Variants in JAK2 observed in about 807,000 individuals in gnomAD.
The protein encoded by JAK2 is tyrosine-protein kinase JAK2.
JAK2 carries 86 observed loss-of-function variants against 139.3 expected under a neutral mutation model. The observed-to-expected ratio is 0.62, with a 90% confidence interval of 0.52 to 0.74. JAK2 has a LOEUF of 0.74. Among genes scored for constraint, JAK2 ranks in the 30% least tolerant of loss-of-function variants. The pLI, the probability that JAK2 is intolerant of heterozygous loss-of-function variation, is 0.00. For missense variants in JAK2, 1,421 were observed against 1,360.3 expected (o/e 1.04, Z -0.70); for synonymous variants, 490 against 437.7 (o/e 1.12, Z -1.49).
intron 6 of JAK2, among the ~76,000 whole-genome samples, chr9:5,051,838 G>A (rs943481331): frequency 2.0e-5 from 3 of 151,966 alleles, no homozygotes; most frequent in African/African-American, 7.2e-5. Flanking sequence ...ATCAATTTCT[G>A]TATTTCTCTC....
chr9:5,058,974 A>G (rs973573884), intron 8 of JAK2, among the ~76,000 whole-genome samples: 2 of 152,134 alleles, frequency 1.3e-5, no homozygotes, highest in East Asian at 1.9e-4. Flanking sequence ...CTCCCATTCC[A>G]TAGATTGCTT....
chr9:4,992,714 C>G (rs980699717), intron 2 of JAK2, among the ~76,000 whole-genome samples: 1 of 152,092 alleles, frequency 6.6e-6, no homozygotes, highest in Non-Finnish European at 1.5e-5. Flanking sequence ...ACTGAGGACC[C>G]ATGAAGAGAC....
At chr9:5,060,626 T>C (rs1425895173) in intron 8 of JAK2, among the ~76,000 whole-genome samples, 2 of 152,212 alleles carry the variant, frequency 1.3e-5, no homozygotes, top group African/African-American at 4.8e-5. Flanking sequence ...TCTAGTTCTC[T>C]TGCTATTTCT....
rs1817662185 is a variant in JAK2, at chr9:5,054,960, T to C, written c.936+76T>C. 9.0e-7 allele frequency: 1 copy of C among 1,111,152 alleles called. No individual in the cohort carries two copies. The highest frequency in any genetic ancestry group is 1.3e-6 in the Non-Finnish European group (1 of 784,806). The allele number at this position is 1,111,152 out of a possible 1,614,324, so 68.8% of individuals were successfully genotyped here. On this transcript the variant is annotated intron_variant, in intron 7 of 24. Transcript: ENST00000381652. The surrounding 1 kb of genome is among the most constrained non-coding windows in gnomAD (Gnocchi z 4.9). ...AATAAAAACAAAGTAATTTTAATCATTTGCAACATGGTATTGCACTTCTCC... is the reference window on the plus strand; with the variant it reads ...AATAAAAACAAAGTAATTTTAATCACTTGCAACATGGTATTGCACTTCTCC...
intron 8 of JAK2, among the ~76,000 whole-genome samples, chr9:5,056,174 T>G (rs539415893): frequency 2.0e-5 from 3 of 152,230 alleles, no homozygotes; most frequent in African/African-American, 7.2e-5. Context: ...AAAAAATAAA[T>G]CAATGATGTC....
intron 3 of JAK2, among the ~76,000 whole-genome samples, chr9:5,029,021 T>C (rs923593171): frequency 2.6e-5 from 4 of 152,240 alleles, no homozygotes; most frequent in Admixed American, 6.5e-5. Context: ...CTTGATTGAC[T>C]GGTGCAGGAG....
Position 5,058,971 on chromosome 9 carries a change from T to G in JAK2, c.1056+3183T>G, listed in dbSNP as rs141217921. Among the ~76,000 whole-genome samples the G allele has an allele frequency of 7.2e-3, 1,103 of 152,330 alleles. 10 individuals carry two copies. Among genetic ancestry groups the G allele is most frequent in the African/African-American group, 0.025 (1,057 of 41,572 alleles). On this transcript the variant is annotated intron_variant, in intron 8 of 24. Coordinates refer to ENST00000381652, the MANE Select transcript of JAK2 (RefSeq NM_004972.4). ...ATGATTTGCAAATATTTTCTCCCAT[T>G]CCATAGATTGCTTTTCACTATGTTG...
At chr9:4,985,691 C>A (rs891236281) in intron 1 of JAK2, 61 bp downstream of exon 1, 5 of 152,722 alleles carry the variant, frequency 3.3e-5, no homozygotes, top group African/African-American at 7.2e-5. Context: ...CCACCCCCTT[C>A]CTACCTTTTG....
chr9:4,989,744 C>CA (rs1478247356), intron 2 of JAK2, among the ~76,000 whole-genome samples: 1 of 151,902 alleles, frequency 6.6e-6, no homozygotes, highest in Non-Finnish European at 1.5e-5. Context: ...AGGGGGTAAG[C>CA]AAAGGCAAAA....
chr9:5,065,142 T>C, intron 9 of JAK2, 102 bp downstream of exon 9: 1 of 692,988 alleles, frequency 1.4e-6, no homozygotes, highest in South Asian at 5.3e-5. Flanking sequence ...AAAAAATAAT[T>C]TGACAAGTTT....
At chr9:5,102,339 G>GA (rs1330229636) in intron 22 of JAK2, among the ~76,000 whole-genome samples, 1 of 152,036 alleles carries the variant, frequency 6.6e-6, no homozygotes, top group Non-Finnish European at 1.5e-5. Context: ...GAAGTTTAGA[G>GA]AAAAAAGAGT....
intron 5 of JAK2, 83 bp downstream of exon 5, chr9:5,044,603 T>A: frequency 1.2e-6 from 1 of 848,334 alleles, no homozygotes; most frequent in African/African-American, 1.7e-5. Context: ...AGGAAAAACT[T>A]TACATATGGG....
At chr9:5,053,248 T>C (rs2130396359) in intron 6 of JAK2, among the ~76,000 whole-genome samples, 1 of 152,244 alleles carries the variant, frequency 6.6e-6, no homozygotes, top group Middle Eastern at 3.4e-3. Context: ...TCTTTTCATG[T>C]ACTTTTTGGC....
At chr9:5,000,104 A>G (rs1033061604) in intron 2 of JAK2, among the ~76,000 whole-genome samples, 1 of 152,080 alleles carries the variant, frequency 6.6e-6, no homozygotes, top group South Asian at 2.1e-4. Flanking sequence ...ATTAAATTGT[A>G]AGAGTTACTT....
At chr9:5,112,337 T>G in intron 22 of JAK2, 1 of 323,968 alleles carries the variant, frequency 3.1e-6, no homozygotes. Flanking sequence ...CGACCTCTCT[T>G]GGCCTTCCGA....
intron 2 of JAK2, among the ~76,000 whole-genome samples, chr9:5,012,401 T>A (rs1821761787): frequency 6.6e-6 from 1 of 152,036 alleles, no homozygotes; most frequent in South Asian, 2.1e-4. Context: ...ATAATTGTCG[T>A]CATCAGGAAC....
rs560672694 is a variant in JAK2 at position 5,037,350 on chromosome 9, T to C, written c.351-7053T>C. ...AATACCATTTGACCCAGCCATCCCA[T>C]TACTGGGTATATACCCAAAGGATTA... On this transcript the variant is annotated intron_variant, in intron 4 of 24. Coordinates refer to ENST00000381652, the MANE Select transcript of JAK2 (RefSeq NM_004972.4). 7.9e-5 allele frequency among the ~76,000 whole-genome samples: 12 copies of C among 152,304 alleles called. No individual in the cohort carries two copies. The South Asian group carries it at 1.5e-3, about 18-fold the overall frequency.
intron 22 of JAK2, chr9:5,099,431 T>C (rs1400929738): frequency 6.6e-6 from 1 of 152,230 alleles, no homozygotes; most frequent in African/African-American, 2.4e-5. Context: ...TTCCACATGA[T>C]CCATTATTAT....
chr9:5,051,451 A>G (rs981371843), intron 6 of JAK2, among the ~76,000 whole-genome samples: 1 of 152,118 alleles, frequency 6.6e-6, no homozygotes, highest in Non-Finnish European at 1.5e-5. Flanking sequence ...GTTAAAATCA[A>G]AGATTTCTGG....
Sources: gnomAD v4.1 joint callset for allele counts (sites outside exome capture counted in the v4.1 genomes callset) on GRCh38, gnomAD v4.1.1 for gene constraint, Gnocchi (gnomAD v3.1) non-coding constraint, MANE v1.5 for transcripts, NCBI Gene and HGNC (gene_info 2026-07-23, HGNC 2026-07-21) for gene names.